Variants in GMDS observed in about 807,000 individuals in gnomAD.
The protein encoded by GMDS is GDP-mannose 4,6-dehydratase.
In GMDS, 20 loss-of-function variants were observed where a neutral mutation model predicts 49.9. That is an observed-to-expected ratio of 0.40 (90% confidence interval 0.28 to 0.58). The LOEUF (loss-of-function observed/expected upper bound fraction) is 0.58, where lower values mean the gene tolerates loss of function less well. Among genes scored for constraint, GMDS ranks in the 20% least tolerant of loss-of-function variants. The pLI, the probability that GMDS is intolerant of heterozygous loss-of-function variation, is 0.42. For missense variants in GMDS, 362 were observed against 481.4 expected (o/e 0.75, Z 2.32); for synonymous variants, 177 against 178.6 (o/e 0.99, Z 0.07).
rs190765582 is a variant in GMDS at position 1,736,539 on chromosome 6, T to C, written c.890+5929A>G. On this transcript the variant is annotated intron_variant, in intron 8 of 10. Coordinates refer to ENST00000380815, the MANE Select transcript of GMDS (RefSeq NM_001500.4). ...GCATGACTGCTTTTTCTAGCTCTAA[T>C]GGGGATTTTGAGTGACGATGAATGA... Among the ~76,000 whole-genome samples, 126 of 152,308 alleles carry C rather than the reference T, an allele frequency of 8.3e-4. 1 individual carries two copies. The highest frequency in any genetic ancestry group is 2.7e-3 in the African/African-American group (112 of 41,572).
chr6:1,648,148 A>G (rs1032639495), intron 9 of GMDS, among the ~76,000 whole-genome samples: 1 of 152,300 alleles, frequency 6.6e-6, no homozygotes. Flanking sequence ...GATTAGATGG[A>G]ATAGGCCTGG....
chr6:1,971,705 G>C (rs1194966580), intron 4 of GMDS, among the ~76,000 whole-genome samples: 1 of 152,204 alleles, frequency 6.6e-6, no homozygotes, highest in African/African-American at 2.4e-5. Flanking sequence ...TCTCCACACT[G>C]TGGGGGCCAT....
intron 7 of GMDS, among the ~76,000 whole-genome samples, chr6:1,813,758 A>AT (rs546210793): frequency 6.6e-6 from 1 of 152,086 alleles, no homozygotes; most frequent in Non-Finnish European, 1.5e-5. Context: ...CTCATGTATT[A>AT]TTTTTTTTAA....
intron 1 of GMDS, among the ~76,000 whole-genome samples, chr6:2,125,313 G>A (rs1775359783): frequency 7.1e-6 from 1 of 140,404 alleles, no homozygotes; most frequent in African/African-American, 3.3e-5. Context: ...AAAATTGGTG[G>A]AGATGGGGTC....
At chr6:1,985,328 T>C (rs1765479998) in intron 4 of GMDS, among the ~76,000 whole-genome samples, 1 of 152,000 alleles carries the variant, frequency 6.6e-6, no homozygotes, top group Non-Finnish European at 1.5e-5. Flanking sequence ...CCATTAACCA[T>C]ACGGGATAAG....
chr6:1,945,688 T>C (rs561893656), intron 6 of GMDS, among the ~76,000 whole-genome samples: 1 of 152,210 alleles, frequency 6.6e-6, no homozygotes, highest in African/African-American at 2.4e-5. Flanking sequence ...GGCAGGAAGA[T>C]TGCTTAAGCC....
intron 7 of GMDS, among the ~76,000 whole-genome samples, chr6:1,912,290 C>T (rs1761105622): frequency 1.3e-5 from 2 of 152,136 alleles, no homozygotes; most frequent in African/African-American, 4.8e-5. Context: ...GGCTTGATCC[C>T]AGGAGGCAGA....
intron 9 of GMDS, among the ~76,000 whole-genome samples, chr6:1,654,542 G>A (rs763220844): frequency 9.9e-5 from 15 of 152,186 alleles, no homozygotes; most frequent in Non-Finnish European, 2.1e-4. Context: ...TTCCACTTAC[G>A]TGAAGTTCCT....
At chr6:2,013,217 G>C (rs1383474797) in intron 4 of GMDS, among the ~76,000 whole-genome samples, 1 of 152,162 alleles carries the variant, frequency 6.6e-6, no homozygotes, top group Admixed American at 6.5e-5. Context: ...AGGTATCCTA[G>C]ACAAGAGAGT....
chr6:2,038,084 T>C (rs1056425811), intron 4 of GMDS, among the ~76,000 whole-genome samples: 1 of 152,090 alleles, frequency 6.6e-6, no homozygotes, highest in Non-Finnish European at 1.5e-5. Flanking sequence ...GTGAAAAAAC[T>C]AGCTCACCAA....
intron 4 of GMDS, among the ~76,000 whole-genome samples, chr6:2,040,433 C>G (rs1302731678): frequency 6.6e-6 from 1 of 152,166 alleles, no homozygotes; most frequent in Non-Finnish European, 1.5e-5. Context: ...CTATCCAGAA[C>G]ATGGGTTAGG....
chr6:2,002,514 T>C (rs1766888543), intron 4 of GMDS, among the ~76,000 whole-genome samples: 1 of 152,224 alleles, frequency 6.6e-6, no homozygotes. Context: ...AAGGAATTAA[T>C]CTGAAGTTGA....
At chr6:1,832,037 T>C (rs1223866243) in intron 7 of GMDS, among the ~76,000 whole-genome samples, 1 of 152,036 alleles carries the variant, frequency 6.6e-6, no homozygotes, top group Non-Finnish European at 1.5e-5. Context: ...GTGGTTTGAT[T>C]AGCACTAAGT....
rs562469303 is a variant in GMDS at position 2,023,052 on chromosome 6, G to T, written c.346-62086C>A. Among the ~76,000 whole-genome samples, 6 of 152,220 alleles carry T rather than the reference G, an allele frequency of 3.9e-5. No homozygotes were observed. The East Asian group carries it at 1.2e-3, about 29-fold the overall frequency. On this transcript the variant is annotated intron_variant, in intron 4 of 10. Coordinates refer to ENST00000380815, the MANE Select transcript of GMDS (RefSeq NM_001500.4). ...GCAAATAATGTCAGCTAATACTGAC[G>T]TAGGACCTAGAATCTAGGTAAATGG... is the stretch of plus-strand genomic sequence containing the variant.
chr6:2,071,911 T>C (rs1024398148), intron 4 of GMDS, among the ~76,000 whole-genome samples: 2 of 152,186 alleles, frequency 1.3e-5, no homozygotes, highest in African/African-American at 4.8e-5. Context: ...TCACTTTCTT[T>C]ATGTCTAAAA....
chr6:1,733,566 C>T (rs906240469), intron 8 of GMDS, among the ~76,000 whole-genome samples: 4 of 152,214 alleles, frequency 2.6e-5, no homozygotes, highest in African/African-American at 9.6e-5. Flanking sequence ...CCTGTAATCC[C>T]AGTACTTTGG....
intron 1 of GMDS, among the ~76,000 whole-genome samples, chr6:2,209,570 T>TAC (rs61216869): frequency 0.081 from 10,956 of 135,856 alleles, 560 homozygotes; most frequent in African/African-American, 0.16. Flanking sequence ...CACATACACA[T>TAC]ACACACACAC....
chr6:2,006,841 G>A (rs1203728738), intron 4 of GMDS, among the ~76,000 whole-genome samples: 1 of 152,052 alleles, frequency 6.6e-6, no homozygotes, highest in Non-Finnish European at 1.5e-5. Flanking sequence ...TGCAAACACA[G>A]TGTTCAAAGC....
chr6:1,861,654 AGGAGG>A (rs1758192129), intron 7 of GMDS, among the ~76,000 whole-genome samples: 1 of 151,498 alleles, frequency 6.6e-6, no homozygotes, highest in Admixed American at 6.6e-5. Flanking sequence ...GCGAAAAGGC[AGGAGG>A]TATCCCATAG....
Sources: allele counts gnomAD v4.1 joint callset (sites outside exome capture counted in the v4.1 genomes callset), GRCh38; gene constraint gnomAD v4.1.1; transcripts MANE v1.5; gene names NCBI Gene and HGNC (gene_info 2026-07-23, HGNC 2026-07-21).